TMEM108: variants seen among roughly 807,000 people sequenced by gnomAD.
TMEM108 encodes transmembrane protein 108.
A neutral mutation model predicts 35.1 loss-of-function variants in TMEM108; 12 were observed. The observed-to-expected ratio is 0.34, with a 90% confidence interval of 0.22 to 0.55. The LOEUF (loss-of-function observed/expected upper bound fraction) is 0.55. TMEM108 is among the 20% of genes least tolerant of loss of function. The pLI is 0.89. For synonymous variants in TMEM108, 287 were observed against 308.6 expected, an observed-to-expected ratio of 0.93 and a Z score of 0.73; for missense variants, 680 against 753.3, an observed-to-expected ratio of 0.90 and a Z score of 1.14.
At chr3:133,175,925 C>G (rs1404083831) in intron 2 of TMEM108, among the ~76,000 whole-genome samples, 12 of 143,292 alleles carry the variant, frequency 8.4e-5, no homozygotes, top group African/African-American at 1.8e-4. Context: ...TTCAGGAAAC[C>G]CATCTCATGT....
chr3:133,126,284 G>T (rs1432761036), intron 2 of TMEM108, among the ~76,000 whole-genome samples: 1 of 152,038 alleles, frequency 6.6e-6, no homozygotes, highest in Non-Finnish European at 1.5e-5. Context: ...GACCAATATG[G>T]TTAAACCCCA....
At chr3:133,114,297 T>G (rs1203498602) in intron 2 of TMEM108, among the ~76,000 whole-genome samples, 1 of 152,152 alleles carries the variant, frequency 6.6e-6, no homozygotes, top group Admixed American at 6.5e-5. Context: ...TAGATTTAGG[T>G]ATCAACTATA....
intron 3 of TMEM108, among the ~76,000 whole-genome samples, chr3:133,377,728 A>G (rs892867560): frequency 2.6e-5 from 4 of 152,210 alleles, no homozygotes; most frequent in African/African-American, 9.6e-5. Flanking sequence ...TGGGTCACAG[A>G]CCAGTACCAG....
intron 2 of TMEM108, among the ~76,000 whole-genome samples, chr3:133,186,364 C>G (rs1261252717): frequency 2.6e-5 from 4 of 152,182 alleles, no homozygotes; most frequent in African/African-American, 4.8e-5. Context: ...ACCATTTGAG[C>G]TGATACTACT....
rs745322624 is a variant in TMEM108, at chr3:133,390,327, C to T, written c.1598C>T (p.Thr533Ile). Residue 533 changes from threonine to isoleucine, a missense_variant, in exon 5 of 6, where the codon ACC becomes ATC. Thr to Ile is a moderately conservative substitution (Grantham distance 89). Transcript: ENST00000321871. Reference protein sequence around the residue: ...ELPREIQSLETSEDQLSEPRS... With the variant: ...ELPREIQSLEISEDQLSEPRS... ...CCCAGGGAGATCCAGTCCCTTGAAACCTCTGAGGTAATGAGCTTGAAAGTG... is the reference window on the plus strand; with the variant it reads ...CCCAGGGAGATCCAGTCCCTTGAAATCTCTGAGGTAATGAGCTTGAAAGTG... The T allele has an allele frequency of 1.2e-6, 2 of 1,614,114 alleles. No homozygotes were observed. Among genetic ancestry groups the T allele is most frequent in the Non-Finnish European group, 8.5e-7 (1 of 1,180,032 alleles).
At chr3:133,342,511 T>C (rs2071685992) in intron 3 of TMEM108, among the ~76,000 whole-genome samples, 1 of 95,750 alleles carries the variant, frequency 1.0e-5, no homozygotes, top group Admixed American at 1.1e-4. Context: ...ACCACAAAAA[T>C]TAAAAATTAA....
intron 3 of TMEM108, chr3:133,378,369 G>A: frequency 4.1e-6 from 4 of 985,488 alleles, no homozygotes; most frequent in Non-Finnish European, 4.8e-6. Flanking sequence ...CAGACACCTG[G>A]GAATCACAGC....
intron 3 of TMEM108, among the ~76,000 whole-genome samples, chr3:133,377,954 C>T (rs561084521): frequency 6.6e-6 from 1 of 152,144 alleles, no homozygotes; most frequent in South Asian, 2.1e-4. Flanking sequence ...GAATTGAATG[C>T]CTGCTGATCT....
intron 3 of TMEM108, among the ~76,000 whole-genome samples, chr3:133,317,227 G>T (rs2071210748): frequency 6.6e-6 from 1 of 152,054 alleles, no homozygotes; most frequent in Non-Finnish European, 1.5e-5. Flanking sequence ...TATCCCCAAG[G>T]AATATATGCA....
chr3:133,286,454 C>T (rs1214889496), intron 3 of TMEM108, among the ~76,000 whole-genome samples: 6 of 152,188 alleles, frequency 3.9e-5, no homozygotes, highest in African/African-American at 1.4e-4. Flanking sequence ...CCACCTCAGC[C>T]TCCCAAGTAG....
chr3:133,306,884 C>A (rs1036046563), intron 3 of TMEM108, among the ~76,000 whole-genome samples: 1 of 152,050 alleles, frequency 6.6e-6, no homozygotes, highest in African/African-American at 2.4e-5. Flanking sequence ...TGGGTATATA[C>A]CCAGTAATGA....
chr3:133,282,242 T>C (rs1946925383), intron 3 of TMEM108, among the ~76,000 whole-genome samples: 1 of 152,250 alleles, frequency 6.6e-6, no homozygotes, highest in Non-Finnish European at 1.5e-5. Flanking sequence ...TGAGTTTTCT[T>C]GGCCACAGGC....
intron 2 of TMEM108, among the ~76,000 whole-genome samples, chr3:133,113,721 T>C (rs1944253107): frequency 6.6e-6 from 1 of 152,142 alleles, no homozygotes; most frequent in East Asian, 1.9e-4. Flanking sequence ...CACCGATGAC[T>C]GGATGTTATT....
At chr3:133,251,262 A>C (rs1045610840) in intron 3 of TMEM108, among the ~76,000 whole-genome samples, 1 of 152,224 alleles carries the variant, frequency 6.6e-6, no homozygotes, top group Non-Finnish European at 1.5e-5. Flanking sequence ...AAAACAAACA[A>C]AATTTTAAAC....
At chr3:133,326,407 G>A (rs1247844392) in intron 3 of TMEM108, among the ~76,000 whole-genome samples, 1 of 152,190 alleles carries the variant, frequency 6.6e-6, no homozygotes, top group African/African-American at 2.4e-5. Context: ...AATGAAATAA[G>A]TTAGTCCTTT....
intron 2 of TMEM108, among the ~76,000 whole-genome samples, chr3:133,169,435 T>C (rs1424351117): frequency 6.6e-6 from 1 of 152,214 alleles, no homozygotes; most frequent in Non-Finnish European, 1.5e-5. Context: ...GGGACTGTGT[T>C]GTTCATTATT....
At chr3:133,207,012 A>C (rs1162093005) in intron 2 of TMEM108, among the ~76,000 whole-genome samples, 2 of 152,004 alleles carry the variant, frequency 1.3e-5, no homozygotes, top group East Asian at 3.9e-4. Flanking sequence ...AGAGAGGAGG[A>C]ATCTAGGGAG....
chr3:133,166,898 C>T (rs1945048196), intron 2 of TMEM108, among the ~76,000 whole-genome samples: 1 of 152,164 alleles, frequency 6.6e-6, no homozygotes, highest in Non-Finnish European at 1.5e-5. Flanking sequence ...GCTCATTGGC[C>T]CATTTTACAG....
chr3:133,286,689 C>T lies in TMEM108; in HGVS notation c.40+57338C>T, dbSNP rs1008561557. The stretch of plus-strand genomic sequence containing the variant: ...AATTCTCAAATGTGATTTACATGTT[C>T]CTACCTCTATGAACCTTGGGCTACA... On this transcript the variant is annotated intron_variant, in intron 3 of 5. Transcript: ENST00000321871. Among the ~76,000 whole-genome samples the T allele has an allele frequency of 9.9e-5, 15 of 152,206 alleles. 1 individual carries two copies. In the South Asian group the frequency reaches 3.1e-3, roughly 31 times the overall value.
Sources: gnomAD v4.1 joint callset for allele counts (sites outside exome capture counted in the v4.1 genomes callset) on GRCh38, gnomAD v4.1.1 for gene constraint, MANE v1.5 for transcripts, NCBI Gene and HGNC (gene_info 2026-07-23, HGNC 2026-07-21) for gene names.